The following TUBGCP6 variants were observed in gnomAD, a reference collection of about 807,000 sequenced individuals.
TUBGCP6 encodes gamma-tubulin complex component 6.
A neutral mutation model predicts 175.8 loss-of-function variants in TUBGCP6; 161 were observed. The ratio of observed to expected loss-of-function variants is 0.92; its 90% CI spans 0.81 to 1.04. The LOEUF (loss-of-function observed/expected upper bound fraction) is 1.04. TUBGCP6 is among the 50% of genes least tolerant of loss of function. TUBGCP6 has a pLI of 0.00. For synonymous variants in TUBGCP6, 1,173 were observed against 1,030.5 expected (o/e 1.14, Z -2.65); for missense variants, 2,572 against 2,433.0 (o/e 1.06, Z -1.20).
Position 50,226,835 on chromosome 22 carries a change from T to C in TUBGCP6, c.1499A>G (p.Lys500Arg). 2.5e-6 allele frequency: 4 copies of C among 1,578,688 alleles called. No individual in the cohort carries two copies. Among genetic ancestry groups the C allele is most frequent in the Non-Finnish European group, 2.6e-6 (3 of 1,162,448 alleles). The change falls in exon 7 of 25, where the codon AAG becomes AGG. Residue 500 changes from lysine (K) to arginine (R), a missense_variant. Lys to Arg is a conservative substitution (Grantham distance 26). Coordinates refer to ENST00000248846, the MANE Select transcript of TUBGCP6 (RefSeq NM_020461.4). ...GPRAAFPTGV[K>R]LLSYLYQEAL... ...CTCCTGGTAGAGGTAGGACAGCAGCTTCACGCCCTGCAGACCGCAAAGGGG... is the reference window on the plus strand; with the variant it reads ...CTCCTGGTAGAGGTAGGACAGCAGCCTCACGCCCTGCAGACCGCAAAGGGG...
chr22:50,219,058 C>T lies in TUBGCP6; in HGVS notation c.4626+10G>A, dbSNP rs374770901. 8.0e-5 allele frequency: 129 copies of T among 1,611,476 alleles called. No homozygotes were observed. The African/African-American group carries it at 1.0e-3, about 13-fold the overall frequency. On this transcript the variant is annotated intron_variant, in intron 20 of 24. Coordinates refer to ENST00000248846, the MANE Select transcript of TUBGCP6 (RefSeq NM_020461.4). The stretch of plus-strand genomic sequence containing the variant: ...TCTACCACTGGCCCCACCCCGTGTC[C>T]GGAGGCCACCTTCTCAAAGAGCAGG...
chr22:50,223,907 T>C, intron 13 of TUBGCP6: 1 of 512,902 alleles, frequency 1.9e-6, no homozygotes, highest in Non-Finnish European at 3.5e-6. Context: ...TACGCAGGCC[T>C]CGCCTGGACC....
rs1373678360 is a variant in TUBGCP6, at chr22:50,218,009, AGGGGGCCCCCAGG to A, written c.5264_5276del (p.Ala1755ValfsTer33). The A allele has an allele frequency of 1.9e-6, 3 of 1,611,792 alleles. No individual in the cohort carries two copies. Among genetic ancestry groups the A allele is most frequent in the Non-Finnish European group, 2.5e-6 (3 of 1,179,238 alleles). On this transcript the variant is annotated frameshift_variant, in exon 24 of 25. Coordinates refer to ENST00000248846, the MANE Select transcript of TUBGCP6 (RefSeq NM_020461.4). LOFTEE classifies it high-confidence loss of function. ...GGTGCTCTGCACCCCGCGGGCCCCC[AGGGGGCCCCCAGG>A]CCTGGGAGATGAGCTGGCTGCGGAA... is the stretch of plus-strand genomic sequence containing the variant.
chr22:50,236,823 G>A (rs1279465337), intron 2 of TUBGCP6, among the ~76,000 whole-genome samples: 3 of 152,106 alleles, frequency 2.0e-5, no homozygotes, highest in Admixed American at 6.6e-5. Context: ...AGATGGCCTC[G>A]GCAGGGGTGC....
chr22:50,218,975 C>G, intron 20 of TUBGCP6, 78 bp from the exon 21 acceptor site: 3 of 1,589,132 alleles, frequency 1.9e-6, no homozygotes, highest in Non-Finnish European at 2.6e-6. Context: ...TGGGGCTGTG[C>G]CAGAGCAGCA....
intron 1 of TUBGCP6, 28 bp from the exon 2 acceptor site, chr22:50,240,395 C>T: frequency 6.2e-7 from 1 of 1,613,094 alleles, no homozygotes. Flanking sequence ...GGCAAACCGC[C>T]ACTTATTGCT....
rs769277500 is a variant in TUBGCP6, at chr22:50,219,077, G to A, written c.4617C>T (p.Leu1539=). The change falls in exon 20 of 25, where the codon CTC becomes CTT. Residue 1539 remains leucine, a synonymous_variant. Coordinates refer to ENST00000248846, the MANE Select transcript of TUBGCP6 (RefSeq NM_020461.4). ...CGTGTCCGGAGGCCACCTTCTCAAA[G>A]AGCAGGTCGCTGAGGGACTGGGCGA... ...GEFAQSLSDL[L]FEKLGAGQTP... The A allele has an allele frequency of 1.9e-6, 3 of 1,612,224 alleles. No individual in the cohort carries two copies. The highest frequency in any genetic ancestry group is 1.3e-5 in the African/African-American group (1 of 74,928).
intron 24 of TUBGCP6, 35 bp downstream of exon 24, chr22:50,217,883 C>A (rs373083386): frequency 2.9e-5 from 46 of 1,604,670 alleles, no homozygotes; most frequent in Non-Finnish European, 3.6e-5. Flanking sequence ...CCGCCCTGGC[C>A]CCCCCGCAGC....
rs753064145 is a variant in TUBGCP6 at position 50,226,356 on chromosome 22, T to C, written c.1624A>G (p.Ser542Gly). 12 of 1,611,686 alleles carry C rather than the reference T, an allele frequency of 7.4e-6. No homozygotes were observed. Among genetic ancestry groups the C allele is most frequent in the East Asian group, 2.2e-5 (1 of 44,836 alleles). ...CCATAAGCGTCTCTGAACACCCCGC[T>C]GTACACCCAGTCGTGGATGAACCTG... is the stretch of plus-strand genomic sequence containing the variant. ...YTRFIHDWVY[S>G]GVFRDAYGEF... The change falls in exon 8 of 25, where the codon AGC becomes GGC. Residue 542 changes from serine (S) to glycine (G), a missense_variant. By Grantham distance (56) the Ser-to-Gly change is moderately conservative. Coordinates refer to ENST00000248846, the MANE Select transcript of TUBGCP6 (RefSeq NM_020461.4).
In TUBGCP6 at chr22:50,221,193, C is replaced by T. The variant is rs756840969; in HGVS notation, c.3166G>A (p.Val1056Met). 3.7e-6 allele frequency: 6 copies of T among 1,608,360 alleles called. No individual in the cohort carries two copies. The Admixed American group carries it at 5.0e-5, about 13-fold the overall frequency. Residue 1056 changes from valine (V) to methionine (M), a missense_variant, in exon 16 of 25, where the codon GTG becomes ATG. Val to Met is a conservative substitution (Grantham distance 21). Transcript: ENST00000248846. ...TRPRWNTHGH[V>M]SDASIRVGEN... is the part of the protein sequence containing the mutation. ...CCGACCCTGATGCTGGCGTCAGACA[C>T]GTGCCCGTGGGTGTTCCACCGTGGC... is the stretch of plus-strand genomic sequence containing the variant.
intron 1 of TUBGCP6, 97 bp from the exon 2 acceptor site, chr22:50,240,464 C>T (rs1441622653): frequency 1.3e-5 from 18 of 1,417,582 alleles, no homozygotes; most frequent in Non-Finnish European, 1.8e-5. Context: ...AAAGACCTAA[C>T]AAAATGTTTC....
Position 50,240,285 on chromosome 22 carries a change from C to G in TUBGCP6, c.824G>C (p.Ser275Thr), listed in dbSNP as rs2064824267. 1 of 1,614,042 alleles carries G rather than the reference C, an allele frequency of 6.2e-7. No individual in the cohort carries two copies. Among genetic ancestry groups the G allele is most frequent in the Non-Finnish European group, 8.5e-7 (1 of 1,180,030 alleles). Residue 275 changes from serine (S) to threonine (T), a missense_variant, in exon 2 of 25, where the codon AGC becomes ACC. Transcript: ENST00000248846. ...CCACAGGTCCACGTCTGGGGTCACGCTGGGCTCAGACTGGGAATCAGGAGT... is the reference window on the plus strand; with the variant it reads ...CCACAGGTCCACGTCTGGGGTCACGGTGGGCTCAGACTGGGAATCAGGAGT... ...NLTPDSQSEPSVTPDVDLWEA... is the reference protein window; with the variant it reads ...NLTPDSQSEPTVTPDVDLWEA...
rs753799638 is a variant in TUBGCP6 at position 50,224,112 on chromosome 22, C to G, written c.2270+29G>C. ...CTATGGGGCCCCTGCCGCACTGCACCCCTGGGCCTGGAGCCCGGGCTGCCC... is the reference window on the plus strand; with the variant it reads ...CTATGGGGCCCCTGCCGCACTGCACGCCTGGGCCTGGAGCCCGGGCTGCCC... On this transcript the variant is annotated intron_variant, in intron 13 of 24. Transcript: ENST00000248846. 3.1e-6 allele frequency: 5 copies of G among 1,605,230 alleles called. No homozygotes were observed. The South Asian group carries it at 4.4e-5, about 14-fold the overall frequency.
At chr22:50,224,290 A>G (rs762094328) in intron 12 of TUBGCP6, 34 bp from the exon 13 acceptor site, 1 of 1,614,160 alleles carries the variant, frequency 6.2e-7, no homozygotes, top group East Asian at 2.2e-5. Flanking sequence ...CTGTGAAATC[A>G]GAACTGACAG....
In TUBGCP6 at chr22:50,221,403, C is replaced by A; in HGVS notation, c.2956G>T (p.Glu986Ter). Residue 986 changes from glutamate (E) to a stop codon, truncating the protein, a stop_gained, in exon 16 of 25, where the codon GAG becomes TAG. Coordinates refer to ENST00000248846, the MANE Select transcript of TUBGCP6 (RefSeq NM_020461.4). LOFTEE classifies it high-confidence loss of function. ...GCATCCATCTTCCCACAACTGTCCT[C>A]CCACAGCTGTAGCCCTGAGCTGCCC... is the stretch of plus-strand genomic sequence containing the variant. ...SLGSSGLQLW[E>*]DSCGKMDACG... 1 of 1,606,094 alleles carries A rather than the reference C, an allele frequency of 6.2e-7. No individual in the cohort carries two copies. Among genetic ancestry groups the A allele is most frequent in the Non-Finnish European group, 8.5e-7 (1 of 1,178,820 alleles).
intron 21 of TUBGCP6, 36 bp from the exon 22 acceptor site, chr22:50,218,656 G>A (rs1353329873): frequency 6.2e-7 from 1 of 1,613,640 alleles, no homozygotes; most frequent in East Asian, 2.2e-5. Context: ...CATCCCACAG[G>A]CAGGCAGGCC....
Position 50,224,237 on chromosome 22 carries a change from TGCCTGGCC to T in TUBGCP6, c.2166_2173del (p.Ala723GlyfsTer5). On this transcript the variant is annotated frameshift_variant, in exon 13 of 25. Coordinates refer to ENST00000248846, the MANE Select transcript of TUBGCP6 (RefSeq NM_020461.4). LOFTEE classifies it high-confidence loss of function. ...GCTGAAGTCATCATCCAGCTCCTCC[TGCCTGGCC>T]GCCTGGCGTCGCTATAAAACACATA... is the stretch of plus-strand genomic sequence containing the variant. 1 of 1,614,150 alleles carries T rather than the reference TGCCTGGCC, an allele frequency of 6.2e-7. No homozygotes were observed. Among genetic ancestry groups the T allele is most frequent in the South Asian group, 1.1e-5 (1 of 91,082 alleles).
Position 50,227,084 on chromosome 22 carries a change from CCA to C in TUBGCP6, c.1413-9_1413-8del, listed in dbSNP as rs3841004. 180 of 1,609,046 alleles carry C rather than the reference CCA, an allele frequency of 1.1e-4. No individual in the cohort carries two copies. In the East Asian group the frequency reaches 3.6e-3, roughly 33 times the overall value. Reference sequence around the variant, plus strand: ...ACAGAGCTCGGCCAGGTACCTAGACCCAGAGGCAGGATGAGACCAGGTGACCG... The same window carrying C: ...ACAGAGCTCGGCCAGGTACCTAGACCGAGGCAGGATGAGACCAGGTGACCG... On this transcript the variant is annotated splice_region_variant and splice_polypyrimidine_tract_variant and intron_variant, in intron 5 of 24. Coordinates refer to ENST00000248846, the MANE Select transcript of TUBGCP6 (RefSeq NM_020461.4).
chr22:50,222,782 A>G (rs1349817197), intron 13 of TUBGCP6, among the ~76,000 whole-genome samples, 190 bp from the exon 14 acceptor site: 2 of 152,190 alleles, frequency 1.3e-5, no homozygotes, highest in Non-Finnish European at 2.9e-5. Context: ...AGGCCCTTCT[A>G]CCTGCCAGGC....
Sources: allele counts gnomAD v4.1 joint callset (sites outside exome capture counted in the v4.1 genomes callset), GRCh38; gene constraint gnomAD v4.1.1; transcripts MANE v1.5; gene names NCBI Gene and HGNC (gene_info 2026-07-23, HGNC 2026-07-21).